The following MAP3K15 variants were observed in gnomAD, a reference collection of about 807,000 sequenced individuals.
MAP3K15 encodes the protein mitogen-activated protein kinase kinase kinase 15, also known as MAPK/ERK kinase kinase 15.
MAP3K15 carries 124 observed loss-of-function variants against 99.5 expected under a neutral mutation model. The observed-to-expected ratio is 1.25, with a 90% CI of 1.08 to 1.45. The LOEUF (loss-of-function observed/expected upper bound fraction) is 1.45. Ranked by LOEUF, MAP3K15 falls within the 40% of genes most tolerant of loss-of-function variation. MAP3K15 has a pLI of 0.00. For synonymous variants in MAP3K15, 494 were observed against 439.6 expected (o/e 1.12, Z -1.55); for missense variants, 1,242 against 1,079.7 (o/e 1.15, Z -2.11).
intron 1 of MAP3K15, among the ~76,000 whole-genome samples, chrX:19,498,322 AGG>A (rs760998341): frequency 9.0e-6 from 1 of 110,697 alleles, no homozygotes; most frequent in African/African-American, 3.3e-5. Context: ...CAGGTGGGGG[AGG>A]GTGCTGACAT....
chrX:19,514,062 G>A (rs2064539130), intron 1 of MAP3K15, among the ~76,000 whole-genome samples: 1 of 111,110 alleles, frequency 9.0e-6, no homozygotes, highest in Non-Finnish European at 1.9e-5. Context: ...AGTGTTTTGG[G>A]GACGAGAATT....
intron 28 of MAP3K15, 116 bp from the exon 29 acceptor site, chrX:19,360,949 G>T (rs2063277925): frequency 3.8e-6 from 2 of 521,514 alleles, no homozygotes; most frequent in Non-Finnish European, 6.2e-6. Context: ...CACATATGGA[G>T]GTGACGCTCG....
chrX:19,471,078 G>A (rs2064204902), intron 3 of MAP3K15, among the ~76,000 whole-genome samples: 1 of 111,018 alleles, frequency 9.0e-6, no homozygotes, highest in African/African-American at 3.3e-5. Flanking sequence ...CAAACTTGAA[G>A]ATAGAAAAAT....
At position 19,513,497 on chromosome X, in the gene MAP3K15, A is replaced by G. The variant is rs1332173931; in HGVS notation, c.361+1404T>C. On this transcript the variant is annotated intron_variant, in intron 1 of 28. Coordinates refer to ENST00000338883, the MANE Select transcript of MAP3K15 (RefSeq NM_001001671.4). ...GCTGAAGAGTATACTCAGTGTGGTC[A>G]GAAATGTCAGGAGAGTGCTTTCAAT... 2.7e-5 allele frequency among the ~76,000 whole-genome samples: 3 copies of G among 111,794 alleles called. No homozygotes were observed. In the Admixed American group the frequency reaches 2.8e-4, roughly 11 times the overall value.
intron 3 of MAP3K15, among the ~76,000 whole-genome samples, chrX:19,469,349 G>A (rs1309874859): frequency 2.7e-5 from 3 of 111,954 alleles, no homozygotes; most frequent in African/African-American, 9.7e-5. Context: ...CTAGCCATAT[G>A]GAGAAAGCTG....
chrX:19,394,808 TTTTTTTTTTTTTTTTTTTTTTTTTTTTAA>T (rs2063554963), intron 16 of MAP3K15, among the ~76,000 whole-genome samples: 1 of 58,890 alleles, frequency 1.7e-5, no homozygotes, highest in African/African-American at 9.9e-5. Flanking sequence ...TTTTTTTTTT[TTTTTTTTTTTTTTTTTTTTTTTTTTTTAA>T]AAAGAGTGAT....
In MAP3K15 at chrX:19,395,093, G is replaced by A. The variant is rs1266908447; in HGVS notation, c.2182C>T (p.Gln728Ter). 7 of 1,207,857 alleles carry A rather than the reference G, an allele frequency of 5.8e-6. No homozygotes were observed. The highest frequency in any genetic ancestry group is 7.8e-6 in the Non-Finnish European group (7 of 893,171). ...ENGYIKIFME[Q>*]VPGGSLSALL... ...AGCGACTACTCACCTCCAGGCACCT[G>A]CTCCATAAATATCTTAATGTAGCCG... Residue 728 changes from glutamine to a stop codon, truncating the protein, a stop_gained, in exon 16 of 29, where the codon CAG (glutamine) becomes TAG (stop). Transcript: ENST00000338883. LOFTEE classifies it high-confidence loss of function.
At position 19,371,507 on chromosome X, in the gene MAP3K15, T is replaced by C. The variant is rs1173841659; in HGVS notation, c.3132A>G (p.Ser1044=). 1.7e-6 allele frequency: 2 copies of C among 1,201,251 alleles called. No homozygotes were observed. Among genetic ancestry groups the C allele is most frequent in the Non-Finnish European group, 2.3e-6 (2 of 888,662 alleles). The change falls in exon 23 of 29, where the codon TCA becomes TCG. Residue 1044 remains serine (S), a synonymous_variant. Transcript: ENST00000338883. ...VAQSSEELHL[S]VGHIKQIIGI... ...CAATGATTTGCTTGATGTGTCCAAC[T>C]GAGAGATGCAACTCTTCGGAACTCT...
At chrX:19,485,653 G>T (rs868364991) in intron 3 of MAP3K15, among the ~76,000 whole-genome samples, 6 of 110,918 alleles carry the variant, frequency 5.4e-5, no homozygotes, top group African/African-American at 1.6e-4. Flanking sequence ...TGCCTCCTGG[G>T]CCCTTTTCTC....
At chrX:19,423,245 A>AT (rs2063801727) in intron 9 of MAP3K15, among the ~76,000 whole-genome samples, 1 of 111,551 alleles carries the variant, frequency 9.0e-6, no homozygotes, top group Admixed American at 9.6e-5. Flanking sequence ...GTTGTCACTG[A>AT]TACAAGGCAA....
rs1479814727 is a variant in MAP3K15 at position 19,469,205 on chromosome X, T to C, written c.526-4799A>G. On this transcript the variant is annotated intron_variant, in intron 3 of 28. Transcript: ENST00000338883. ...TGGTACTGGTACCAAAACAGAGATATAGACCAATGGAACAGAACAGAGCCC... is the reference window on the plus strand; with the variant it reads ...TGGTACTGGTACCAAAACAGAGATACAGACCAATGGAACAGAACAGAGCCC... 3.9e-4 allele frequency among the ~76,000 whole-genome samples: 44 copies of C among 111,601 alleles called. 1 individual carries two copies. Among genetic ancestry groups the C allele is most frequent in the Non-Finnish European group, 6.4e-4 (34 of 53,129 alleles).
chrX:19,371,427 A>C lies in MAP3K15; in HGVS notation c.3212T>G (p.Ile1071Arg). ...SPEHRVMATTISKLKVDLDFD... is the reference protein window; with the variant it reads ...SPEHRVMATTRSKLKVDLDFD... ...GTCCAGGTCCACCTTGAGCTTTGAT[A>C]TTGTGGTCGCCATCACCCGGTGCTC... Residue 1071 changes from isoleucine (I) to arginine (R), a missense_variant, in exon 23 of 29, where the codon ATA becomes AGA. Ile to Arg is a moderately conservative substitution (Grantham distance 97). Transcript: ENST00000338883. The C allele has an allele frequency of 8.3e-7, 1 of 1,211,340 alleles. No homozygotes were observed. The highest frequency in any genetic ancestry group is 3.0e-5 in the East Asian group (1 of 33,840).
chrX:19,415,219 C>T lies in MAP3K15; in HGVS notation c.1478G>A (p.Arg493Gln), dbSNP rs753349491. Residue 493 changes from arginine to glutamine, a missense_variant, in exon 10 of 29, where the codon CGG becomes CAG. Coordinates refer to ENST00000338883, the MANE Select transcript of MAP3K15 (RefSeq NM_001001671.4). ...RSLVQNLLLI[R>Q]RFKKTIIEHS... ...TTCAATAATGGTTTTCTTGAAGCGC[C>T]GAATTAGTAACAAGTTCTGAACTAA... 24 of 1,178,449 alleles carry T rather than the reference C, an allele frequency of 2.0e-5. No homozygotes were observed. The highest frequency in any genetic ancestry group is 2.3e-4 in the Middle Eastern group (1 of 4,344).
At chrX:19,436,609 A>G (rs1247267832) in intron 6 of MAP3K15, among the ~76,000 whole-genome samples, 9 of 111,198 alleles carry the variant, frequency 8.1e-5, no homozygotes, top group Non-Finnish European at 1.3e-4. Context: ...CCAGACTCAC[A>G]TATCCAACTG....
chrX:19,512,559 C>T (rs925334777), intron 1 of MAP3K15, among the ~76,000 whole-genome samples: 2 of 110,489 alleles, frequency 1.8e-5, no homozygotes, highest in Admixed American at 1.9e-4. Context: ...ACCGCAGCAT[C>T]GACCTCCCGG....
intron 18 of MAP3K15, among the ~76,000 whole-genome samples, chrX:19,383,110 C>T (rs947956474): frequency 9.0e-6 from 1 of 111,307 alleles, no homozygotes; most frequent in African/African-American, 3.3e-5. Flanking sequence ...GAGGTACCTG[C>T]TCCAGCCTGG....
intron 6 of MAP3K15, among the ~76,000 whole-genome samples, chrX:19,433,181 G>A (rs956517755): frequency 2.7e-5 from 3 of 111,558 alleles, no homozygotes; most frequent in Non-Finnish European, 5.6e-5. Context: ...GTAGATGGGG[G>A]TTTATTATTG....
chrX:19,480,545 T>C (rs756604411), intron 3 of MAP3K15, among the ~76,000 whole-genome samples: 97 of 106,103 alleles, frequency 9.1e-4, no homozygotes, highest in African/African-American at 3.3e-3. Flanking sequence ...CCAGGCACGG[T>C]GGCTTGTGCC....
chrX:19,443,168 G>A (rs754205289), intron 6 of MAP3K15, among the ~76,000 whole-genome samples: 119 of 105,739 alleles, frequency 1.1e-3, no homozygotes, highest in African/African-American at 4.0e-3. Context: ...GAGTAGCTGG[G>A]ATTACAGGTA....
Sources: gnomAD v4.1 joint callset for allele counts (sites outside exome capture counted in the v4.1 genomes callset) on GRCh38, gnomAD v4.1.1 for gene constraint, MANE v1.5 for transcripts, NCBI Gene and HGNC (gene_info 2026-07-23, HGNC 2026-07-21) for gene names.